Variants in RNF115 observed in about 807,000 individuals in gnomAD.
RNF115 encodes the protein E3 ubiquitin-protein ligase RNF115.
RNF115 carries 31 observed loss-of-function variants against 39.2 expected under a neutral mutation model. That is an observed-to-expected ratio of 0.79 (90% CI 0.59 to 1.07). The LOEUF (loss-of-function observed/expected upper bound fraction) is 1.07. Ranked by LOEUF, RNF115 falls within the 50% of genes least tolerant of loss-of-function variation. The pLI is 0.00. For missense variants in RNF115, 384 were observed against 381.7 expected, an observed-to-expected ratio of 1.01 and a Z score of -0.05; for synonymous variants, 124 against 131.0, an observed-to-expected ratio of 0.95 and a Z score of 0.37.
rs942192214 is a variant in RNF115, at chr1:145,740,513, T to C, written c.*6353A>G. ...TGGCTTTCAAAATGTGTTGATACAA[T>C]TGCCTTCAAATAAGCCTACAAATTT... On this transcript the variant is annotated 3_prime_UTR_variant, in exon 9 of 9. Coordinates refer to ENST00000582693, the MANE Select transcript of RNF115 (RefSeq NM_014455.4). 3.9e-5 allele frequency: 6 copies of C among 152,298 alleles called. No homozygotes were observed. Among genetic ancestry groups the C allele is most frequent in the South Asian group, 2.1e-4 (1 of 4,846 alleles). 9.4% of individuals were successfully genotyped at this position (152,298 alleles called of 1,614,324 possible).
At chr1:145,776,985 A>C (rs1433858722) in intron 3 of RNF115, among the ~76,000 whole-genome samples, 3 of 152,346 alleles carry the variant, frequency 2.0e-5, no homozygotes, top group African/African-American at 7.2e-5. Flanking sequence ...CTAGTCTGAA[A>C]AACGGTCTAG....
At chr1:145,787,941 A>C (rs587640006) in intron 2 of RNF115, among the ~76,000 whole-genome samples, 1 of 152,304 alleles carries the variant, frequency 6.6e-6, no homozygotes, top group Non-Finnish European at 1.5e-5. Context: ...CATAAACAAA[A>C]AAGGAATATG....
chr1:145,753,085 C>T (rs1252207932), intron 4 of RNF115, 36 bp from the exon 5 acceptor site: 1 of 1,410,152 alleles, frequency 7.1e-7, no homozygotes, highest in African/African-American at 1.4e-5. Flanking sequence ...AGACAACAGA[C>T]TAATGAAAAG....
chr1:145,766,133 A>G (rs1345743935), intron 4 of RNF115, among the ~76,000 whole-genome samples: 3 of 151,974 alleles, frequency 2.0e-5, no homozygotes, highest in Admixed American at 6.6e-5. Flanking sequence ...TAGGCAGAGG[A>G]CCCTGCGGCC....
Position 145,755,237 on chromosome 1 carries a change from C to CA in RNF115, c.429-2189dup, listed in dbSNP as rs1461860581. 6.8e-3 allele frequency among the ~76,000 whole-genome samples: 877 copies of CA among 129,124 alleles called. 2 individuals carry two copies. Among genetic ancestry groups the CA allele is most frequent in the African/African-American group, 0.016 (565 of 34,686 alleles). 84.7% of individuals were successfully genotyped at this position (129,124 alleles called of 152,430 possible). On this transcript the variant is annotated intron_variant, in intron 4 of 8. Transcript: ENST00000582693. ...AGCCTGGGTGACAGAGACTTTGCCT[C>CA]AAAAAAAAAAAGGTGGGGGGCGGGG... is the stretch of plus-strand genomic sequence containing the variant.
chr1:145,809,488 A>T (rs1240480788), intron 1 of RNF115, among the ~76,000 whole-genome samples: 5 of 46,344 alleles, frequency 1.1e-4, no homozygotes, highest in African/African-American at 2.9e-4. Flanking sequence ...GACCCAGCTA[A>T]TTTTTTTTTT....
chr1:145,789,370 G>GA (rs1359671844), intron 1 of RNF115, among the ~76,000 whole-genome samples: 1 of 151,916 alleles, frequency 6.6e-6, no homozygotes, highest in Non-Finnish European at 1.5e-5. Context: ...CAAAGTGCTG[G>GA]AATTACAGGC....
At chr1:145,756,762 C>A (rs1028326862) in intron 4 of RNF115, among the ~76,000 whole-genome samples, 1 of 151,368 alleles carries the variant, frequency 6.6e-6, no homozygotes, top group Non-Finnish European at 1.5e-5. Context: ...GTATGCCCCC[C>A]ACAACCTCTG....
chr1:145,801,620 T>C (rs1424320653), intron 1 of RNF115, among the ~76,000 whole-genome samples: 1 of 152,164 alleles, frequency 6.6e-6, no homozygotes, highest in African/African-American at 2.4e-5. Context: ...GCCAATTATA[T>C]GTCAGGCACT....
At chr1:145,750,866 A>T (rs1658060958) in intron 6 of RNF115, among the ~76,000 whole-genome samples, 2 of 152,252 alleles carry the variant, frequency 1.3e-5, no homozygotes. Flanking sequence ...GAAAAAAGCG[A>T]GAGTATGAAA....
In RNF115 at chr1:145,748,085, G is replaced by A; in HGVS notation, c.693C>T (p.Cys231=). Residue 231 remains cysteine (C), a synonymous_variant, in exon 8 of 9, where the codon TGC becomes TGT. Transcript: ENST00000582693. ...QVDMGLECPV[C]KEDYTVEEEV... ...CCTCTTCAACTGTGTAATCTTCTTT[G>A]CATACTGGACACTCTAAACCCATAT... is the stretch of plus-strand genomic sequence containing the variant. The A allele has an allele frequency of 6.2e-7, 1 of 1,612,980 alleles. No homozygotes were observed. The highest frequency in any genetic ancestry group is 8.5e-7 in the Non-Finnish European group (1 of 1,179,058).
rs186390583 is a variant in RNF115, at chr1:145,813,673, T to C, written c.102+10099A>G. Among the ~76,000 whole-genome samples, 807 of 152,196 alleles carry C rather than the reference T, an allele frequency of 5.3e-3. 9 individuals are homozygous for C. The highest frequency in any genetic ancestry group is 7.8e-3 in the Non-Finnish European group (530 of 68,006). On this transcript the variant is annotated intron_variant, in intron 1 of 8. Coordinates refer to ENST00000582693, the MANE Select transcript of RNF115 (RefSeq NM_014455.4). ...CCTAGTTCCTGTTCTAAACACTCTC[T>C]CCCATCAGAGGTTTGCCTAAAATTA...
chr1:145,772,723 CCTT>C (rs1287804374), intron 3 of RNF115: 1 of 152,088 alleles, frequency 6.6e-6, no homozygotes, highest in East Asian at 1.9e-4. Flanking sequence ...TTGAGTTTAT[CCTT>C]CTTGGGTGTT....
At chr1:145,774,262 A>G (rs1647777463) in intron 3 of RNF115, among the ~76,000 whole-genome samples, 1 of 148,892 alleles carries the variant, frequency 6.7e-6, no homozygotes, top group Non-Finnish European at 1.5e-5. Context: ...GTCATGTAAT[A>G]TTTACCAGCC....
At chr1:145,815,033 T>G (rs1362545026) in intron 1 of RNF115, among the ~76,000 whole-genome samples, 1 of 152,274 alleles carries the variant, frequency 6.6e-6, no homozygotes, top group Non-Finnish European at 1.5e-5. Context: ...CTCTGGGACC[T>G]TTCTAAGAAT....
At position 145,746,879 on chromosome 1, in the gene RNF115, C is replaced by T. The variant is rs782743514; in HGVS notation, c.902G>A (p.Arg301Gln). The T allele has an allele frequency of 4.0e-5, 64 of 1,614,064 alleles. No individual in the cohort carries two copies. The South Asian group carries it at 6.0e-4, about 15-fold the overall frequency. Residue 301 changes from arginine to glutamine, a missense_variant, in exon 9 of 9, where the codon CGA becomes CAA. Transcript: ENST00000582693. Reference protein sequence around the residue: ...RFSNDSQLHDRWTF With the variant: ...RFSNDSQLHDQWTF ...TGGTCTTTAGCTTCAGAAAGTCCAT[C>T]GGTCATGTAGCTGACTGTCATTGCT...
chr1:145,762,537 C>G (rs587645167), intron 4 of RNF115, among the ~76,000 whole-genome samples: 4 of 152,114 alleles, frequency 2.6e-5, no homozygotes, highest in Non-Finnish European at 4.4e-5. Flanking sequence ...GTAGTATAAT[C>G]AATTCAATTT....
At chr1:145,764,630 G>T (rs1281645159) in intron 4 of RNF115, among the ~76,000 whole-genome samples, 1 of 150,034 alleles carries the variant, frequency 6.7e-6, no homozygotes, top group Admixed American at 6.6e-5. Context: ...GAAGTGAGGA[G>T]CCCCTCCACC....
intron 1 of RNF115, among the ~76,000 whole-genome samples, chr1:145,796,493 C>G (rs1298098189): frequency 6.6e-6 from 1 of 150,962 alleles, no homozygotes; most frequent in Non-Finnish European, 1.5e-5. Flanking sequence ...GTGGCATGAT[C>G]TCAACTCATT....
Sources: allele counts gnomAD v4.1 joint callset (sites outside exome capture counted in the v4.1 genomes callset), GRCh38; gene constraint gnomAD v4.1.1; transcripts MANE v1.5; gene names NCBI Gene and HGNC (gene_info 2026-07-23, HGNC 2026-07-21).